The following CCDC30 variants were observed in gnomAD, a reference collection of about 807,000 sequenced individuals.
CCDC30 encodes coiled-coil domain-containing protein 30.
Under a neutral mutation model 100.2 loss-of-function variants are expected in CCDC30, and 70 were observed. That is an observed-to-expected ratio of 0.70 (90% CI 0.58 to 0.85). The LOEUF (loss-of-function observed/expected upper bound fraction) is 0.85. Among genes scored for constraint, CCDC30 ranks in the 40% least tolerant of loss-of-function variants. The probability of loss-of-function intolerance (pLI) is 0.00; values close to 1 mark genes in which losing one functional copy is unlikely to be tolerated. For synonymous variants in CCDC30, 233 were observed against 269.5 expected, an observed-to-expected ratio of 0.86 and a Z score of 1.33; for missense variants, 652 against 771.2, an observed-to-expected ratio of 0.85 and a Z score of 1.83.
upstream of CCDC30, among the ~76,000 whole-genome samples, chr1:42,461,732 A>G (rs1228579382): frequency 4.6e-5 from 7 of 151,896 alleles, no homozygotes; most frequent in African/African-American, 9.7e-5. Flanking sequence ...TTTTTAGTAG[A>G]GATGGGGTTT....
intron 15 of CCDC30, among the ~76,000 whole-genome samples, chr1:42,648,397 G>GC: frequency 6.6e-6 from 1 of 152,116 alleles, no homozygotes; most frequent in East Asian, 1.9e-4. Context: ...CAGGCCGGGC[G>GC]CAGTGGCTCA....
Position 42,511,209 on chromosome 1 carries a change from G to A in CCDC30, c.456+12293G>A, listed in dbSNP as rs559532348. Among the ~76,000 whole-genome samples, 15 of 152,174 alleles carry A rather than the reference G, an allele frequency of 9.9e-5. No homozygotes were observed. The South Asian group carries it at 2.9e-3, about 29-fold the overall frequency. On this transcript the variant is annotated intron_variant, in intron 6 of 16. Coordinates refer to ENST00000668663, the Ensembl canonical transcript of CCDC30. The stretch of plus-strand genomic sequence containing the variant: ...GGTTGCGGGCATGACCCCCAGTTGT[G>A]GAACCAGAGGAACTAAGCAACTGGG...
intron 11 of CCDC30, among the ~76,000 whole-genome samples, chr1:42,620,865 A>G (rs936020962): frequency 8.5e-5 from 13 of 152,318 alleles, no homozygotes; most frequent in African/African-American, 2.9e-4. Flanking sequence ...CCTTCCCATG[A>G]AGGGGCTTGG....
intron 3 of CCDC30, 63 bp downstream of exon 3, chr1:42,482,879 G>T: frequency 9.2e-7 from 1 of 1,089,628 alleles, no homozygotes; most frequent in South Asian, 4.7e-5. Flanking sequence ...CTCATCTCAG[G>T]GTGGAACATG....
intron 1 of CCDC30, among the ~76,000 whole-genome samples, chr1:42,466,843 C>T (rs1024996647): frequency 3.3e-5 from 5 of 152,146 alleles, no homozygotes; most frequent in Admixed American, 1.3e-4. Context: ...TGAGCCTCTG[C>T]GCCCGGCCAA....
At chr1:42,512,888 C>T (rs1392059582) in intron 6 of CCDC30, among the ~76,000 whole-genome samples, 1 of 152,330 alleles carries the variant, frequency 6.6e-6, no homozygotes, top group Non-Finnish European at 1.5e-5. Flanking sequence ...CACCTCACCC[C>T]TGTGTCTTGT....
At chr1:42,643,075 T>C (rs1017119200) in intron 13 of CCDC30, among the ~76,000 whole-genome samples, 1 of 152,226 alleles carries the variant, frequency 6.6e-6, no homozygotes, top group African/African-American at 2.4e-5. Flanking sequence ...CTCTTCTTCA[T>C]AGGAGACTTT....
chr1:42,504,326 T>G (rs1199813149), intron 6 of CCDC30, among the ~76,000 whole-genome samples: 2 of 152,170 alleles, frequency 1.3e-5, no homozygotes, highest in Non-Finnish European at 2.9e-5. Context: ...AGAGATTTTG[T>G]TTATGGTCAG....
intron 6 of CCDC30, among the ~76,000 whole-genome samples, chr1:42,509,454 C>T (rs984864722): frequency 2.0e-5 from 3 of 152,072 alleles, no homozygotes; most frequent in Admixed American, 1.3e-4. Context: ...CCACCCAGAT[C>T]GATAAAATGG....
chr1:42,583,480 G>C (rs2148596171), intron 9 of CCDC30, among the ~76,000 whole-genome samples: 1 of 152,238 alleles, frequency 6.6e-6, no homozygotes, highest in South Asian at 2.1e-4. Flanking sequence ...TAAATAGTTA[G>C]ATTGTAACCT....
At chr1:42,506,214 T>G (rs1194876831) in intron 6 of CCDC30, among the ~76,000 whole-genome samples, 1 of 152,236 alleles carries the variant, frequency 6.6e-6, no homozygotes, top group Non-Finnish European at 1.5e-5. Flanking sequence ...AAAAAGATTA[T>G]GTCAGACTTC....
chr1:42,479,877 G>A (rs571782655), intron 1 of CCDC30, among the ~76,000 whole-genome samples: 1 of 152,168 alleles, frequency 6.6e-6, no homozygotes, highest in Non-Finnish European at 1.5e-5. Flanking sequence ...TGATTGGCTT[G>A]TCTGGAAAAT....
At chr1:42,491,050 T>A (rs1426410887) in intron 4 of CCDC30, among the ~76,000 whole-genome samples, 1 of 152,196 alleles carries the variant, frequency 6.6e-6, no homozygotes, top group Non-Finnish European at 1.5e-5. Context: ...AGCTAAAAAA[T>A]TTTTAAATAC....
intron 6 of CCDC30, among the ~76,000 whole-genome samples, chr1:42,523,979 C>T (rs1644686809): frequency 1.3e-5 from 2 of 151,914 alleles, no homozygotes; most frequent in South Asian, 4.1e-4. Context: ...CTGTTTTGTT[C>T]ATACATTATT....
intron 6 of CCDC30, among the ~76,000 whole-genome samples, chr1:42,513,850 T>G (rs1251650249): frequency 6.6e-6 from 1 of 152,202 alleles, no homozygotes; most frequent in Non-Finnish European, 1.5e-5. Context: ...TGGCATCTGC[T>G]TCTGGTGAGG....
chr1:42,461,500 T>C (rs1054375761), upstream of CCDC30, among the ~76,000 whole-genome samples: 1 of 151,890 alleles, frequency 6.6e-6, no homozygotes, highest in East Asian at 1.9e-4. Context: ...CATGCCTGGC[T>C]AAATATTTTA....
chr1:42,548,652 C>A (rs1645190564), intron 6 of CCDC30, among the ~76,000 whole-genome samples: 2 of 152,088 alleles, frequency 1.3e-5, no homozygotes, highest in Non-Finnish European at 2.9e-5. Flanking sequence ...CAACTCATGA[C>A]ATGGTCATGC....
At chr1:42,536,735 C>G (rs1644912819) in intron 6 of CCDC30, 134 bp downstream of exon 7, 1 of 639,286 alleles carries the variant, frequency 1.6e-6, no homozygotes, top group East Asian at 2.7e-5. Flanking sequence ...GACTAGGTGG[C>G]TCAAAGAACA....
intron 15 of CCDC30, among the ~76,000 whole-genome samples, 172 bp from the exon 20 acceptor site, chr1:42,653,200 TTATA>T (rs908624494): frequency 6.6e-6 from 1 of 151,996 alleles, no homozygotes; most frequent in Admixed American, 6.6e-5. Context: ...TATAGATAGG[TTATA>T]TATATAGAGA....
Sources: allele counts gnomAD v4.1 joint callset (sites outside exome capture counted in the v4.1 genomes callset), GRCh38; gene constraint gnomAD v4.1.1; transcripts MANE v1.5; gene names NCBI Gene and HGNC (gene_info 2026-07-23, HGNC 2026-07-21).